PCSK7: variants seen among roughly 807,000 people sequenced by gnomAD.
PCSK7 encodes the protein proprotein convertase subtilisin/kexin type 7.
In PCSK7, 38 loss-of-function variants were observed where a neutral mutation model predicts 73.3. That is an observed-to-expected ratio of 0.52 (90% confidence interval 0.40 to 0.68). The LOEUF is 0.68. PCSK7 is among the 30% of genes least tolerant of loss of function. The probability of loss-of-function intolerance (pLI) is 0.00; values close to 1 mark genes in which losing one functional copy is unlikely to be tolerated. For missense variants in PCSK7, 692 were observed against 991.5 expected (o/e 0.70, Z 4.06); for synonymous variants, 296 against 383.8 (o/e 0.77, Z 2.68).
At position 117,228,309 on chromosome 11, in the gene PCSK7, A is replaced by G. The variant is rs2306474; in HGVS notation, c.510T>C (p.Gly170=). 52,445 of 1,613,644 alleles carry G rather than the reference A, an allele frequency of 0.033. 1,165 individuals carry two copies. Among genetic ancestry groups the G allele is most frequent in the South Asian group, 0.089 (8,056 of 91,020 alleles). Residue 170 remains glycine, a synonymous_variant, in exon 4 of 17, where the codon GGT becomes GGC. Coordinates refer to ENST00000320934, the MANE Select transcript of PCSK7 (RefSeq NM_004716.4). The part of the protein sequence containing the change: ...RSPGRDINVT[G]VWERNVTGRG... ...GCCCAGTCACATTGCGTTCCCACAC[A>G]CCCGTCACGTTGATGTCCCTGCCCG... is the stretch of plus-strand genomic sequence containing the variant.
At chr11:117,225,747 G>A (rs767300436) in intron 6 of PCSK7, 184 bp downstream of exon 6, 34 of 613,582 alleles carry the variant, frequency 5.5e-5, no homozygotes, top group Middle Eastern at 4.3e-4. Context: ...CGGGGGTGAC[G>A]GGGGCTTAAG....
At chr11:117,226,819 G>A (rs2032448183) in intron 5 of PCSK7, 1 of 220,076 alleles carries the variant, frequency 4.5e-6, no homozygotes, top group Non-Finnish European at 8.7e-6. Flanking sequence ...AGAGCAGCCC[G>A]TGACCATCAG....
At position 117,224,181 on chromosome 11, in the gene PCSK7, C is replaced by G; in HGVS notation, c.951G>C (p.Gln317His). ...ALQHGVIAGRQGFGSIFVVAS... is the reference protein window; with the variant it reads ...ALQHGVIAGRHGFGSIFVVAS... ...CTACCACAAAGATGCTCCCAAAGCC[C>G]TGGCGACCAGCAATCACCCCATGTT... is the stretch of plus-strand genomic sequence containing the variant. The change falls in exon 8 of 17, where the codon CAG (glutamine) becomes CAC (histidine). Residue 317 changes from glutamine (Q) to histidine (H), a missense_variant. Physicochemically the swap from Gln to His is conservative, Grantham distance 24 (BLOSUM62 0). This residue lies in a region of PCSK7 where 574 missense variants were observed against 689.8 expected (regional missense o/e 0.83). Coordinates refer to ENST00000320934, the MANE Select transcript of PCSK7 (RefSeq NM_004716.4). The G allele has an allele frequency of 1.2e-6, 2 of 1,614,206 alleles. No individual in the cohort carries two copies. Among genetic ancestry groups the G allele is most frequent in the Non-Finnish European group, 8.5e-7 (1 of 1,180,026 alleles).
chr11:117,204,385 G>T lies in PCSK7; in HGVS notation c.*1612C>A, dbSNP rs752617745. ...AGCGGAGAGGGCTAGCCCTGAGCCC[G>T]GCCCTCCCCCAGCTCCTTGGCTGCA... On this transcript the variant is annotated 3_prime_UTR_variant, in exon 17 of 17. Transcript: ENST00000320934. The T allele has an allele frequency of 6.2e-7, 1 of 1,614,100 alleles. No individual in the cohort carries two copies. The highest frequency in any genetic ancestry group is 1.1e-5 in the South Asian group (1 of 91,072).
At chr11:117,227,079 G>A in intron 5 of PCSK7, 78 bp downstream of exon 5, 1 of 1,180,326 alleles carries the variant, frequency 8.5e-7, no homozygotes, top group Non-Finnish European at 1.2e-6. Context: ...AGATGTTTCA[G>A]AGTAGGGAGG....
chr11:117,206,971 C>T, intron 15 of PCSK7, 96 bp downstream of exon 15: 1 of 1,433,682 alleles, frequency 7.0e-7, no homozygotes, highest in Non-Finnish European at 9.8e-7. Context: ...GACGCTGGAA[C>T]TGGGAAGCAC....
chr11:117,229,058 T>C (rs1388369906), intron 3 of PCSK7, among the ~76,000 whole-genome samples: 1 of 152,214 alleles, frequency 6.6e-6, no homozygotes, highest in African/African-American at 2.4e-5. Flanking sequence ...TAGGCACTAT[T>C]ACAATCTCCA....
rs1266008049 is a variant in PCSK7, at chr11:117,229,362, C to A, written c.468+15G>T. 6.3e-7 allele frequency: 1 copy of A among 1,589,250 alleles called. No individual in the cohort carries two copies. The highest frequency in any genetic ancestry group is 1.3e-5 in the African/African-American group (1 of 74,814). On this transcript the variant is annotated intron_variant, in intron 3 of 16. Transcript: ENST00000320934. ...CCTACCCACCTGAAACTGCAAACTG[C>A]AGGACTGGACTCACCAGGTGCCATT...
In PCSK7 at chr11:117,204,879, G is replaced by T. The variant is rs950733786; in HGVS notation, c.*1118C>A. The T allele has an allele frequency of 1.3e-5, 3 of 228,072 alleles. No individual in the cohort carries two copies. The highest frequency in any genetic ancestry group is 4.5e-5 in the African/African-American group (2 of 44,216). The allele number at this position is 228,072 out of a possible 1,614,324, so 14.1% of individuals were successfully genotyped here. A position where few individuals can be genotyped will look rare whatever the true frequency, so the allele number is the denominator to read the frequency against. On this transcript the variant is annotated 3_prime_UTR_variant, in exon 17 of 17. Coordinates refer to ENST00000320934, the MANE Select transcript of PCSK7 (RefSeq NM_004716.4). ...GGGGACAGGCAGGCATCTCGGGCTT[G>T]TATGTGTTCCTGGCTGCCGTCCTCT...
chr11:117,209,798 C>A, intron 12 of PCSK7: 1 of 152,696 alleles, frequency 6.5e-6, no homozygotes, highest in South Asian at 2.0e-4. Flanking sequence ...GAGCCATGCT[C>A]ATGCTACCAC....
Position 117,223,296 on chromosome 11 carries a change from T to C in PCSK7, c.1067A>G (p.Glu356Gly). The C allele has an allele frequency of 6.2e-7, 1 of 1,608,090 alleles. No individual in the cohort carries two copies. The highest frequency in any genetic ancestry group is 8.5e-7 in the Non-Finnish European group (1 of 1,174,552). ...IYTVTIGAVD[E>G]EGRMPFYAEE... ...TGCATAGAAAGGCATGCGTCCCTCC[T>C]CATCCACAGCTCCTAGGGACAGAGG... Residue 356 changes from glutamate (E) to glycine (G), a missense_variant, in exon 9 of 17, where the codon GAG (glutamate) becomes GGG (glycine). Coordinates refer to ENST00000320934, the MANE Select transcript of PCSK7 (RefSeq NM_004716.4).
chr11:117,216,234 T>C (rs1222799321), intron 12 of PCSK7: 1 of 152,144 alleles, frequency 6.6e-6, no homozygotes, highest in Non-Finnish European at 1.5e-5. Context: ...AGAAAATTCT[T>C]TGGGACAATG....
At chr11:117,224,335 T>G (rs568437092) in intron 7 of PCSK7, 119 bp from the exon 8 acceptor site, 3 of 979,854 alleles carry the variant, frequency 3.1e-6, no homozygotes, top group South Asian at 1.6e-5. Context: ...CAAAGGGCAC[T>G]GGGCATGGGG....
At chr11:117,223,418 T>A in intron 8 of PCSK7, 110 bp from the exon 9 acceptor site, 1 of 719,456 alleles carries the variant, frequency 1.4e-6, no homozygotes, top group Non-Finnish European at 2.5e-6. Context: ...TGTCCTGAGT[T>A]TGAAACATGA....
chr11:117,229,395 G>A lies in PCSK7; in HGVS notation c.450C>T (p.Tyr150=). ...KRSVHFNDPK[Y]PQQWHLNNRR... ...GACTCACCAGGTGCCATTGCTGCGG[G>A]TACTTGGGGTCGTTGAAGTGGACGC... Residue 150 remains tyrosine (Y), a synonymous_variant, in exon 3 of 17, where the codon TAC becomes TAT. Coordinates refer to ENST00000320934, the MANE Select transcript of PCSK7 (RefSeq NM_004716.4). 1 of 1,606,586 alleles carries A rather than the reference G, an allele frequency of 6.2e-7. No homozygotes were observed. Among genetic ancestry groups the A allele is most frequent in the Non-Finnish European group, 8.5e-7 (1 of 1,179,706 alleles).
chr11:117,212,849 GA>G (rs919193019), intron 12 of PCSK7: 10 of 152,176 alleles, frequency 6.6e-5, no homozygotes, highest in African/African-American at 2.4e-4. Context: ...TAGTAGCTGG[GA>G]ACTGTAAGTG....
rs1377281263 is a variant in PCSK7 at position 117,229,676 on chromosome 11, G to A, written c.169C>T (p.His57Tyr). ...QGTGGPSWAV[H>Y]LESLEGDGEE... is the part of the protein sequence containing the mutation. The stretch of plus-strand genomic sequence containing the variant: ...CCGTCACCTTCCAGGCTTTCCAGGT[G>A]CACAGCCCAGCTCGGCCCCCCTGTG... Residue 57 changes from histidine to tyrosine, a missense_variant, in exon 3 of 17, where the codon CAC becomes TAC. Physicochemically the swap from His to Tyr is moderately conservative, Grantham distance 83 (BLOSUM62 2). Coordinates refer to ENST00000320934, the MANE Select transcript of PCSK7 (RefSeq NM_004716.4). 1.9e-6 allele frequency: 3 copies of A among 1,613,896 alleles called. No individual in the cohort carries two copies. Among genetic ancestry groups the A allele is most frequent in the South Asian group, 2.2e-5 (2 of 91,084 alleles).
rs1335170503 is a variant in PCSK7 at position 117,218,408 on chromosome 11, T to G, written c.1534+58A>C. 2.2e-6 allele frequency: 2 copies of G among 927,860 alleles called. No homozygotes were observed. Among genetic ancestry groups the G allele is most frequent in the Non-Finnish European group, 3.2e-6 (2 of 618,984 alleles). 57.5% of individuals were successfully genotyped at this position (927,860 alleles called of 1,614,324 possible). A position where few individuals can be genotyped will look rare whatever the true frequency, so the allele number is the denominator to read the frequency against. On this transcript the variant is annotated intron_variant, in intron 12 of 16. Coordinates refer to ENST00000320934, the MANE Select transcript of PCSK7 (RefSeq NM_004716.4). This position sits in a 1 kb window ranked among gnomAD's most constrained non-coding sequence, Gnocchi z 4.0. Reference sequence around the variant, plus strand: ...GCAGGGAGGACGAGTTTAACTTCCTTGTCACCCGGCCCCAAACCTCAGGCC... The same window carrying G: ...GCAGGGAGGACGAGTTTAACTTCCTGGTCACCCGGCCCCAAACCTCAGGCC...
At chr11:117,224,417 T>C (rs2032330088) in intron 7 of PCSK7, among the ~76,000 whole-genome samples, 2 of 152,092 alleles carry the variant, frequency 1.3e-5, no homozygotes, top group Admixed American at 1.3e-4. Context: ...AGCTGTGAGT[T>C]GAATGATGAC....
Sources: gnomAD v4.1 joint callset for allele counts (sites outside exome capture counted in the v4.1 genomes callset) on GRCh38, gnomAD v4.1.1 for gene constraint, gnomAD v4.1.1 regional missense constraint, Gnocchi (gnomAD v3.1) non-coding constraint, MANE v1.5 for transcripts, NCBI Gene and HGNC (gene_info 2026-07-23, HGNC 2026-07-21) for gene names.